The following SCN1A variants were observed in gnomAD, a reference collection of about 807,000 sequenced individuals.
SCN1A encodes sodium voltage-gated channel alpha subunit 1, also known as sodium channel protein type 1 subunit alpha.
SCN1A carries 13 observed loss-of-function variants against 193.7 expected under a neutral mutation model. The ratio of observed to expected loss-of-function variants is 0.07; its 90% CI spans 0.04 to 0.11. SCN1A has a LOEUF of 0.11. SCN1A is among the 10% of genes least tolerant of loss of function. The pLI, the probability that SCN1A is intolerant of heterozygous loss-of-function variation, is 1.00. For missense variants in SCN1A, 1,432 were observed against 2,451.1 expected (o/e 0.58, Z 8.78); for synonymous variants, 781 against 843.6 (o/e 0.93, Z 1.29).
chr2:166,042,481 A>C, intron 14 of SCN1A, 57 bp from the exon 15 acceptor site: 1 of 1,532,254 alleles, frequency 6.5e-7, no homozygotes, highest in Non-Finnish European at 9.0e-7. Context: ...TGACAAGCAA[A>C]CAACCAAATG....
rs1201114611 is a variant in SCN1A, at chr2:165,991,586, T to A, written c.5689A>T (p.Asn1897Tyr). Residue 1897 changes from asparagine (N) to tyrosine (Y), a missense_variant, in exon 29 of 29, where the codon AAT becomes TAT. Transcript: ENST00000674923. ...GGCTGATAGGAGACCTTGGAAGGAT[T>A]GGAAGCCATGAATCGCTCTTCCATC... Reference protein sequence around the residue: ...IQMEERFMASNPSKVSYQPIT... With the variant: ...IQMEERFMASYPSKVSYQPIT... 6.2e-7 allele frequency: 1 copy of A among 1,613,930 alleles called. No individual in the cohort carries two copies. The highest frequency in any genetic ancestry group is 8.5e-7 in the Non-Finnish European group (1 of 1,179,900).
At chr2:166,100,265 G>T (rs1404143775) in intron 2 of SCN1A, among the ~76,000 whole-genome samples, 1 of 127,160 alleles carries the variant, frequency 7.9e-6, no homozygotes, top group Non-Finnish European at 1.7e-5. Flanking sequence ...AATGGGGAAA[G>T]GATTCCCTAT....
rs1352832546 is a variant in SCN1A at position 166,051,837 on chromosome 2, G to T, written c.846C>A (p.Pro282=). The T allele has an allele frequency of 7.4e-6, 12 of 1,612,438 alleles. No homozygotes were observed. The Admixed American group carries it at 1.7e-4, about 22-fold the overall frequency. The change falls in exon 9 of 29, where the codon CCC becomes CCA. Residue 282 remains proline, a synonymous_variant. Coordinates refer to ENST00000674923, the MANE Select transcript of SCN1A (RefSeq NM_001165963.4). ...TATGTTCCTCCAAGGAAGCATTGGT[G>T]GGAGGCCATTGTATACATTTATTCC... ...NLRNKCIQWP[P]TNASLEEHSI...
chr2:166,097,922 AC>A (rs1200811767), intron 2 of SCN1A, among the ~76,000 whole-genome samples: 2 of 152,128 alleles, frequency 1.3e-5, no homozygotes, highest in African/African-American at 2.4e-5. Flanking sequence ...GAATTAGAAA[AC>A]TTTTATCTAG....
At chr2:166,017,506 C>T (rs894800445) in intron 19 of SCN1A, among the ~76,000 whole-genome samples, 2 of 151,886 alleles carry the variant, frequency 1.3e-5, no homozygotes, top group African/African-American at 2.4e-5. Context: ...ATCATTTGGC[C>T]GTAAAGTGAT....
Position 166,042,384 on chromosome 2 carries a change from C to A in SCN1A, c.2084G>T (p.Ser695Ile). Reference protein sequence around the residue: ...TETEMRKRRSSSFHVSMDFLE... With the variant: ...TETEMRKRRSISFHVSMDFLE... ...AAAGTCCATGGAAACGTGGAAAGAA[C>A]TTGACCTTCTCTTTCTCATTTCAGT... The change falls in exon 15 of 29, where the codon AGT becomes ATT. Residue 695 changes from serine to isoleucine, a missense_variant. Around this residue, in one of 18 missense-constraint regions of SCN1A, gnomAD observed 316 missense variants for 362.1 expected, o/e 0.87. Coordinates refer to ENST00000674923, the MANE Select transcript of SCN1A (RefSeq NM_001165963.4). 1 of 1,613,844 alleles carries A rather than the reference C, an allele frequency of 6.2e-7. No individual in the cohort carries two copies. Among genetic ancestry groups the A allele is most frequent in the Non-Finnish European group, 8.5e-7 (1 of 1,179,840 alleles).
chr2:166,057,018 T>C (rs1220898228), intron 5 of SCN1A, among the ~76,000 whole-genome samples: 1 of 152,116 alleles, frequency 6.6e-6, no homozygotes, highest in Non-Finnish European at 1.5e-5. Flanking sequence ...GTTGGGTTGC[T>C]CTATTTTGAC....
At chr2:166,142,648 C>G (rs1368493083) in intron 1 of SCN1A, among the ~76,000 whole-genome samples, 2 of 152,164 alleles carry the variant, frequency 1.3e-5, no homozygotes, top group Non-Finnish European at 2.9e-5. Context: ...CCTTACCTCT[C>G]TGAATAAAAT....
Position 165,998,152 on chromosome 2 carries a change from T to C in SCN1A, c.4362A>G (p.Glu1454=). 6.2e-7 allele frequency: 1 copy of C among 1,605,592 alleles called. No individual in the cohort carries two copies. Among genetic ancestry groups the C allele is most frequent in the East Asian group, 2.2e-5 (1 of 44,550 alleles). ...AGTAAAGATACATGTACAGACTTTC[T>C]TCATACTTAGGCTGGAGTTCCACCT... ...SRNVELQPKY[E]ESLYMYLYFV... Residue 1454 remains glutamate, a synonymous_variant, in exon 26 of 29, where the codon GAA becomes GAG. Transcript: ENST00000674923.
At chr2:166,098,330 T>C (rs935783828) in intron 2 of SCN1A, among the ~76,000 whole-genome samples, 1 of 152,156 alleles carries the variant, frequency 6.6e-6, no homozygotes, top group African/African-American at 2.4e-5. Flanking sequence ...CATCTCTTCA[T>C]GTTAAAAACC....
intron 1 of SCN1A, among the ~76,000 whole-genome samples, chr2:166,148,423 G>C (rs1204393545): frequency 6.6e-6 from 1 of 152,124 alleles, no homozygotes; most frequent in Non-Finnish European, 1.5e-5. Flanking sequence ...GTGAACAACT[G>C]TTCATATCAA....
At chr2:166,071,748 G>A (rs1213641521) in intron 4 of SCN1A, 1 of 152,154 alleles carries the variant, frequency 6.6e-6, no homozygotes, top group African/African-American at 2.4e-5. Context: ...AAATTAGCCG[G>A]GCGTGGTGGC....
intron 1 of SCN1A, among the ~76,000 whole-genome samples, chr2:166,148,327 C>A (rs1302080121): frequency 6.6e-6 from 1 of 152,158 alleles, no homozygotes; most frequent in Non-Finnish European, 1.5e-5. Context: ...AAAGAGCCTG[C>A]TATTTTAACT....
intron 5 of SCN1A, among the ~76,000 whole-genome samples, chr2:166,057,310 C>CT (rs1183596048): frequency 3.3e-5 from 5 of 151,844 alleles, no homozygotes; most frequent in Non-Finnish European, 7.4e-5. Flanking sequence ...TAAATATACT[C>CT]TAAGTGGTAG....
chr2:166,007,764 TACGCTTTG>T (rs1691847615), intron 23 of SCN1A, among the ~76,000 whole-genome samples: 1 of 151,440 alleles, frequency 6.6e-6, no homozygotes, highest in Admixed American at 6.6e-5. Context: ...GTGCCTGAGT[TACGCTTTG>T]ACGCAGCTAT....
At chr2:166,058,532 G>T in intron 5 of SCN1A, 38 bp downstream of exon 5, 2 of 1,173,606 alleles carry the variant, frequency 1.7e-6, no homozygotes, top group Non-Finnish European at 2.6e-6. Flanking sequence ...TACAGATCAT[G>T]TACAAATAGT....
chr2:166,028,372 G>A (rs553864114), intron 19 of SCN1A, among the ~76,000 whole-genome samples: 1 of 147,882 alleles, frequency 6.8e-6, no homozygotes, highest in African/African-American at 2.4e-5. Context: ...ATTGAGCACA[G>A]AGCTTCTATA....
At chr2:166,086,680 T>G (rs978945442) in intron 2 of SCN1A, among the ~76,000 whole-genome samples, 2 of 152,200 alleles carry the variant, frequency 1.3e-5, no homozygotes, top group Admixed American at 6.5e-5. Flanking sequence ...AATAAAGCTC[T>G]CCTTTCCAAA....
chr2:166,136,657 T>C (rs570747304), intron 1 of SCN1A, among the ~76,000 whole-genome samples: 1 of 152,242 alleles, frequency 6.6e-6, no homozygotes, highest in East Asian at 1.9e-4. Context: ...AGATGGTACA[T>C]TCAAAATGGT....
Sources: gnomAD v4.1 joint callset for allele counts (sites outside exome capture counted in the v4.1 genomes callset) on GRCh38, gnomAD v4.1.1 for gene constraint, gnomAD v4.1.1 regional missense constraint, MANE v1.5 for transcripts, NCBI Gene and HGNC (gene_info 2026-07-23, HGNC 2026-07-21) for gene names.